The following PAN3 variants were observed in gnomAD, a reference collection of about 807,000 sequenced individuals.
The protein encoded by PAN3 is PAN2-PAN3 deadenylation complex subunit PAN3.
PAN3 carries 19 observed loss-of-function variants against 96.2 expected under a neutral mutation model. The ratio of observed to expected loss-of-function variants is 0.20; its 90% confidence interval spans 0.14 to 0.29. The LOEUF is 0.29. Among genes scored for constraint, PAN3 ranks in the 10% least tolerant of loss-of-function variants. The pLI, the probability that PAN3 is intolerant of heterozygous loss-of-function variation, is 1.00. For missense variants in PAN3, 882 were observed against 1,108.1 expected (o/e 0.80, Z 2.90); for synonymous variants, 433 against 406.6 (o/e 1.06, Z -0.78).
chr13:28,160,833 T>C (rs1421042871), intron 1 of PAN3, among the ~76,000 whole-genome samples: 3 of 152,242 alleles, frequency 2.0e-5, no homozygotes, highest in African/African-American at 7.2e-5. Flanking sequence ...TTTATGGAAT[T>C]ACCTCACTTT....
intron 18 of PAN3, among the ~76,000 whole-genome samples, chr13:28,289,207 T>C (rs777806017): frequency 3.3e-5 from 5 of 152,210 alleles, no homozygotes; most frequent in African/African-American, 4.8e-5. Flanking sequence ...CCAGCTGTTA[T>C]AAATGGTGAA....
intron 1 of PAN3, among the ~76,000 whole-genome samples, chr13:28,168,111 A>G (rs915814051): frequency 6.6e-6 from 1 of 152,160 alleles, no homozygotes; most frequent in Non-Finnish European, 1.5e-5. Context: ...TCAATATATC[A>G]ATTTTGGGAG....
At chr13:28,273,052 C>T (rs1886762647) in intron 14 of PAN3, among the ~76,000 whole-genome samples, 1 of 152,174 alleles carries the variant, frequency 6.6e-6, no homozygotes, top group Admixed American at 6.5e-5. Context: ...GAACACTTGT[C>T]TGACTACCAG....
chr13:28,245,999 G>A (rs150353407), intron 6 of PAN3, among the ~76,000 whole-genome samples: 2 of 152,154 alleles, frequency 1.3e-5, no homozygotes, highest in Non-Finnish European at 2.9e-5. Flanking sequence ...ATGTTTTTGT[G>A]CGAACCTATG....
chr13:28,272,526 C>A (rs1886711549), intron 14 of PAN3, among the ~76,000 whole-genome samples: 1 of 151,316 alleles, frequency 6.6e-6, no homozygotes, highest in Admixed American at 6.6e-5. Context: ...TAGTGTAGAG[C>A]CCTTGTGGGT....
At chr13:28,257,036 C>G (rs924585918) in intron 7 of PAN3, among the ~76,000 whole-genome samples, 1 of 152,076 alleles carries the variant, frequency 6.6e-6, no homozygotes, top group Non-Finnish European at 1.5e-5. Flanking sequence ...CAGTATGGCT[C>G]TTATGCTCAG....
At position 28,144,079 on chromosome 13, in the gene PAN3, G is replaced by A. The variant is rs140640611; in HGVS notation, c.430+4992G>A. The stretch of plus-strand genomic sequence containing the variant: ...ACTCATTTAATATCCTGCTTCCAAG[G>A]TGGTAAGCTCTGATTAAGGTGATAG... On this transcript the variant is annotated intron_variant, in intron 1 of 18. Transcript: ENST00000380958. Among the ~76,000 whole-genome samples, 1,324 of 152,164 alleles carry A rather than the reference G, an allele frequency of 8.7e-3. 15 individuals are homozygous for A. The highest frequency in any genetic ancestry group is 0.013 in the Non-Finnish European group (877 of 68,018).
chr13:28,204,020 CT>C (rs1398503961), intron 5 of PAN3, among the ~76,000 whole-genome samples: 10 of 151,946 alleles, frequency 6.6e-5, no homozygotes, highest in Admixed American at 5.9e-4. Flanking sequence ...CCAGGATGGT[CT>C]TGATCTCTCT....
At chr13:28,153,431 A>C (rs551417753) in intron 1 of PAN3, among the ~76,000 whole-genome samples, 2 of 151,604 alleles carry the variant, frequency 1.3e-5, no homozygotes, top group Non-Finnish European at 2.9e-5. Context: ...TAGAGATGGG[A>C]TTTCACCATG....
intron 5 of PAN3, chr13:28,214,684 C>A (rs955993526): frequency 1.5e-5 from 7 of 457,312 alleles, no homozygotes; most frequent in African/African-American, 1.0e-4. Flanking sequence ...TCAAGTATTC[C>A]TGGGTCTTGG....
chr13:28,266,817 CT>C lies in PAN3; in HGVS notation c.1516del (p.Cys506AlafsTer5). 6.2e-7 allele frequency: 1 copy of C among 1,611,784 alleles called. No homozygotes were observed. Among genetic ancestry groups the C allele is most frequent in the African/African-American group, 1.3e-5 (1 of 74,992 alleles). Reference protein sequence around the residue: ...QKSSNFGYITSCYKAVNSKDD... With the variant: ...QKSSNFGYITXCYKAVNSKDD... Reference sequence around the variant, plus strand: ...TCAAGTAATTTTGGATATATTACATCTTGCTACAAAGCTGTAAACAGCAAAG... The same window carrying C: ...TCAAGTAATTTTGGATATATTACATCTGCTACAAAGCTGTAAACAGCAAAG... On this transcript the variant is annotated frameshift_variant, in exon 10 of 19. Transcript: ENST00000380958. LOFTEE classifies it high-confidence loss of function.
chr13:28,140,119 T>C (rs1026120492), intron 1 of PAN3, among the ~76,000 whole-genome samples: 2 of 152,116 alleles, frequency 1.3e-5, no homozygotes, highest in African/African-American at 4.8e-5. Flanking sequence ...AGATAATTTT[T>C]TGTAGTTTTA....
intron 3 of PAN3, among the ~76,000 whole-genome samples, chr13:28,176,859 G>A (rs1776748165): frequency 6.7e-6 from 1 of 150,166 alleles, no homozygotes; most frequent in African/African-American, 2.5e-5. Flanking sequence ...AAAAAAAAAA[G>A]AAAAGTGTAT....
intron 5 of PAN3, among the ~76,000 whole-genome samples, chr13:28,202,069 T>C (rs1412604850): frequency 6.6e-6 from 1 of 152,038 alleles, no homozygotes; most frequent in African/African-American, 2.4e-5. Flanking sequence ...TTTTCCCCCC[T>C]GGATTACTTT....
chr13:28,248,322 A>G (rs552001095), intron 6 of PAN3, among the ~76,000 whole-genome samples: 2 of 151,834 alleles, frequency 1.3e-5, no homozygotes, highest in Admixed American at 1.3e-4. Flanking sequence ...TTTTGGGTGG[A>G]GTCTTTTGGT....
chr13:28,223,717 A>T (rs771874549), intron 6 of PAN3, among the ~76,000 whole-genome samples: 43 of 151,994 alleles, frequency 2.8e-4, no homozygotes, highest in Admixed American at 8.5e-4. Flanking sequence ...CAGTAAGAAT[A>T]CTTTTAAGTA....
At chr13:28,139,459 C>G (rs1289851854) in intron 1 of PAN3, among the ~76,000 whole-genome samples, 7 of 145,302 alleles carry the variant, frequency 4.8e-5, no homozygotes, top group African/African-American at 7.8e-5. Flanking sequence ...TTTTGCGTGT[C>G]CTTGTGGAGT....
chr13:28,282,571 A>C (rs952681758), intron 17 of PAN3, among the ~76,000 whole-genome samples: 2 of 152,134 alleles, frequency 1.3e-5, no homozygotes, highest in African/African-American at 4.8e-5. Flanking sequence ...CTAATGACTC[A>C]TCCTCTTCCC....
Position 28,241,442 on chromosome 13 carries a change from A to T in PAN3, c.1001-14850A>T, listed in dbSNP as rs1320750831. Among the ~76,000 whole-genome samples, 3 of 151,996 alleles carry T rather than the reference A, an allele frequency of 2.0e-5. No homozygotes were observed. In the East Asian group the frequency reaches 5.8e-4, roughly 29 times the overall value. On this transcript the variant is annotated intron_variant, in intron 6 of 18. Transcript: ENST00000380958. ...AATTATGCTGAAATACCTTCCTTAA[A>T]CTCAGTTTCTTCTTCTATTAAGAAG...
Sources: allele counts gnomAD v4.1 joint callset (sites outside exome capture counted in the v4.1 genomes callset), GRCh38; gene constraint gnomAD v4.1.1; transcripts MANE v1.5; gene names NCBI Gene and HGNC (gene_info 2026-07-23, HGNC 2026-07-21).